The following NOTCH1 variants were observed in gnomAD, a reference collection of about 807,000 sequenced individuals.
NOTCH1 encodes the protein neurogenic locus notch homolog protein 1.
NOTCH1 carries 37 observed loss-of-function variants against 254.8 expected under a neutral mutation model. That is an observed-to-expected ratio of 0.15 (90% confidence interval 0.11 to 0.19). The LOEUF (loss-of-function observed/expected upper bound fraction) is 0.19, where lower values mean the gene tolerates loss of function less well. Ranked by LOEUF, NOTCH1 falls within the 10% of genes least tolerant of loss-of-function variation. The pLI is 1.00. For synonymous variants in NOTCH1, 1,731 were observed against 1,618.1 expected (o/e 1.07, Z -1.68); for missense variants, 2,972 against 3,708.6 (o/e 0.80, Z 5.16).
intron 27 of NOTCH1, chr9:136,502,970 A>G (rs1589057084): frequency 1.4e-6 from 1 of 721,726 alleles, no homozygotes; most frequent in South Asian, 1.5e-5. Flanking sequence ...CCGTGGCTGG[A>G]CTCGTTCCCA....
Position 136,511,278 on chromosome 9 carries a change from G to C in NOTCH1, c.2468-7C>G, listed in dbSNP as rs1843177956. The C allele has an allele frequency of 6.2e-7, 1 of 1,609,370 alleles. No homozygotes were observed. The highest frequency in any genetic ancestry group is 8.5e-7 in the Non-Finnish European group (1 of 1,179,306). ...ACCACCTCACACGTGGCACCTGCGGGAAGGAGACACACGTGACCCCGGGAG... is the reference window on the plus strand; with the variant it reads ...ACCACCTCACACGTGGCACCTGCGGCAAGGAGACACACGTGACCCCGGGAG... On this transcript the variant is annotated splice_polypyrimidine_tract_variant and splice_region_variant and intron_variant, in intron 15 of 33. Transcript: ENST00000651671.
chr9:136,546,047 G>A lies in NOTCH1; in HGVS notation c.-261C>T, dbSNP rs1193208714. 6.6e-6 allele frequency: 1 copy of A among 152,402 alleles called. No individual in the cohort carries two copies. The highest frequency in any genetic ancestry group is 1.5e-5 in the Non-Finnish European group (1 of 68,748). 9.4% of individuals were successfully genotyped at this position (152,402 alleles called of 1,614,324 possible). On this transcript the variant is annotated 5_prime_UTR_variant, in exon 1 of 34. Coordinates refer to ENST00000651671, the MANE Select transcript of NOTCH1 (RefSeq NM_017617.5). ...GCTCCCTCCCGCGGCCGAGGCACTA[G>A]TGAGGCTCAGAGTCGAGGTGCGCTC... is the stretch of plus-strand genomic sequence containing the variant.
At chr9:136,531,064 C>T (rs994668526) in intron 2 of NOTCH1, among the ~76,000 whole-genome samples, 3 of 152,252 alleles carry the variant, frequency 2.0e-5, no homozygotes, top group South Asian at 2.1e-4. Flanking sequence ...GCAGGGCAGT[C>T]GCCCGGAGGT....
intron 15 of NOTCH1, among the ~76,000 whole-genome samples, chr9:136,511,595 C>T (rs1028407559): frequency 1.3e-5 from 2 of 152,206 alleles, no homozygotes; most frequent in Non-Finnish European, 2.9e-5. Context: ...CCAGGAGAGG[C>T]GGCCTCAGTC....
intron 2 of NOTCH1, among the ~76,000 whole-genome samples, chr9:136,532,442 T>A (rs1007696423): frequency 2.0e-5 from 3 of 148,984 alleles, no homozygotes; most frequent in Non-Finnish European, 4.5e-5. Context: ...TGCATGCAAA[T>A]CCCACACAGT....
intron 4 of NOTCH1, among the ~76,000 whole-genome samples, chr9:136,520,374 G>A (rs983939737): frequency 6.6e-6 from 1 of 152,040 alleles, no homozygotes; most frequent in Non-Finnish European, 1.5e-5. Context: ...CTGCTGGACC[G>A]GAGCAAAAGC....
intron 16 of NOTCH1, 67 bp downstream of exon 16, chr9:136,511,074 CCTGCCTGGGAG>C: frequency 6.2e-7 from 1 of 1,605,384 alleles, no homozygotes; most frequent in Non-Finnish European, 8.5e-7. Context: ...ACTCATCTAG[CCTGCCTGGGAG>C]CTGCCTGTGT....
intron 31 of NOTCH1, among the ~76,000 whole-genome samples, chr9:136,500,056 T>C (rs1842972388): frequency 6.6e-6 from 1 of 152,170 alleles, no homozygotes; most frequent in Admixed American, 6.5e-5. Context: ...GGACACTCCC[T>C]GGAGACCCAG....
chr9:136,525,395 G>A (rs1195510941), intron 2 of NOTCH1, among the ~76,000 whole-genome samples: 1 of 152,076 alleles, frequency 6.6e-6, no homozygotes, highest in African/African-American at 2.4e-5. Context: ...TTGCGCTCCG[G>A]GAAAAGGTCT....
intron 27 of NOTCH1, 32 bp from the exon 28 acceptor site, chr9:136,502,520 G>A (rs747717915): frequency 3.1e-5 from 44 of 1,435,482 alleles, no homozygotes; most frequent in East Asian, 1.8e-4. Context: ...GCAGGTGCCC[G>A]GACATCAGGC....
Position 136,509,046 on chromosome 9 carries a change from C to T in NOTCH1, c.2995G>A (p.Val999Met), listed in dbSNP as rs756840659. The part of the protein sequence containing the change: ...ESSCFNGGTC[V>M]DGINSFTCLC... ...CAGGTGAACGAGTTGATGCCGTCCA[C>T]GCAGGTGCCACCGTTGAAGCAGGAG... The change falls in exon 19 of 34, where the codon GTG becomes ATG. Residue 999 changes from valine to methionine, a missense_variant. By Grantham distance (21) the Val-to-Met change is conservative. Around this residue, in one of 8 missense-constraint regions of NOTCH1, gnomAD observed 1,343 missense variants for 1,557.0 expected, o/e 0.86. Transcript: ENST00000651671. 1.5e-5 allele frequency: 23 copies of T among 1,560,396 alleles called. No individual in the cohort carries two copies. Among genetic ancestry groups the T allele is most frequent in the South Asian group, 8.3e-5 (7 of 84,820 alleles).
At chr9:136,507,242 C>T (rs953899624) in intron 22 of NOTCH1, 63 bp downstream of exon 22, 1 of 1,610,890 alleles carries the variant, frequency 6.2e-7, no homozygotes, top group African/African-American at 1.3e-5. Context: ...TCCCGGGGTG[C>T]CTGCCCTGCC....
Position 136,509,830 on chromosome 9 carries a change from C to A in NOTCH1, c.2872G>T (p.Ala958Ser), listed in dbSNP as rs1843149837. The A allele has an allele frequency of 6.2e-7, 1 of 1,613,206 alleles. No individual in the cohort carries two copies. Among genetic ancestry groups the A allele is most frequent in the Non-Finnish European group, 8.5e-7 (1 of 1,180,032 alleles). ...ECASDPCRNG[A>S]NCTDCVDSYT... is the part of the protein sequence containing the mutation. ...CTGTCCACGCAGTCCGTGCAGTTGGCCCCGTTGCGGCAGGGGTCACTGGCA... is the reference window on the plus strand; with the variant it reads ...CTGTCCACGCAGTCCGTGCAGTTGGACCCGTTGCGGCAGGGGTCACTGGCA... The change falls in exon 18 of 34, where the codon GCC becomes TCC. Residue 958 changes from alanine (A) to serine (S), a missense_variant. Transcript: ENST00000651671.
intron 2 of NOTCH1, among the ~76,000 whole-genome samples, chr9:136,527,350 C>G (rs1262762273): frequency 6.6e-6 from 1 of 152,270 alleles, no homozygotes; most frequent in Admixed American, 6.5e-5. Context: ...GGCCACACCC[C>G]CGGTACCCGG....
In NOTCH1 at chr9:136,504,782, C is replaced by G. The variant is rs1344639057; in HGVS notation, c.4909G>C (p.Gly1637Arg). The change falls in exon 26 of 34, where the codon GGC becomes CGC. Residue 1637 changes from glycine to arginine, a missense_variant. Gly to Arg is a moderately radical substitution (Grantham distance 125). Around this residue, in one of 8 missense-constraint regions of NOTCH1, gnomAD observed 1,343 missense variants for 1,557.0 expected, o/e 0.86. Transcript: ENST00000651671. Reference protein sequence around the residue: ...RKHPIKRAAEGWAAPDALLGQ... With the variant: ...RKHPIKRAAERWAAPDALLGQ... The stretch of plus-strand genomic sequence containing the variant: ...AGCAGGGCGTCAGGTGCGGCCCAGC[C>G]CTCGGCGGCACGCTTGATGGGGTGC... The G allele has an allele frequency of 4.5e-6, 7 of 1,553,800 alleles. No homozygotes were observed. The highest frequency in any genetic ancestry group is 6.1e-6 in the Non-Finnish European group (7 of 1,149,142).
intron 13 of NOTCH1, 65 bp downstream of exon 13, chr9:136,514,445 C>T (rs2133360102): frequency 1.3e-6 from 2 of 1,500,602 alleles, no homozygotes; most frequent in Non-Finnish European, 1.8e-6. Context: ...AGGTGCCACC[C>T]TCCTGGCAGC....
intron 2 of NOTCH1, among the ~76,000 whole-genome samples, chr9:136,528,382 G>A: frequency 7.0e-6 from 1 of 142,044 alleles, no homozygotes; most frequent in African/African-American, 2.7e-5. Context: ...GCAAGGATGG[G>A]CAGGGACAGT....
At chr9:136,533,311 A>AG (rs1434689034) in intron 2 of NOTCH1, among the ~76,000 whole-genome samples, 44 of 150,544 alleles carry the variant, frequency 2.9e-4, no homozygotes, top group Admixed American at 4.0e-4. Flanking sequence ...GCCCAGCCTG[A>AG]GCTCAAGCAT....
Position 136,514,680 on chromosome 9 carries a change from G to A in NOTCH1, c.2037C>T (p.Ile679=), listed in dbSNP as rs367591933. 64 of 1,612,342 alleles carry A rather than the reference G, an allele frequency of 4.0e-5. No individual in the cohort carries two copies. The African/African-American group carries it at 5.5e-4, about 14-fold the overall frequency. ...GYTGSMCNIN[I]DECAGNPCHN... is the part of the protein sequence containing the mutation. ...GGCAGGGGTTGCCCGCACACTCATCGATGTTGATGTTACACATGCTCCCTA... is the reference window on the plus strand; with the variant it reads ...GGCAGGGGTTGCCCGCACACTCATCAATGTTGATGTTACACATGCTCCCTA... Residue 679 remains isoleucine, a synonymous_variant, in exon 13 of 34, where the codon ATC becomes ATT. Transcript: ENST00000651671.
Sources: allele counts gnomAD v4.1 joint callset (sites outside exome capture counted in the v4.1 genomes callset), GRCh38; gene constraint gnomAD v4.1.1; regional missense constraint gnomAD v4.1.1; transcripts MANE v1.5; gene names NCBI Gene and HGNC (gene_info 2026-07-23, HGNC 2026-07-21).